Variants in FBXL7 observed in about 807,000 individuals in gnomAD.
FBXL7 encodes F-box and leucine rich repeat protein 7, also known as F-box/LRR-repeat protein 7.
A neutral mutation model predicts 38.3 loss-of-function variants in FBXL7; 12 were observed. That is an observed-to-expected ratio of 0.31 (90% CI 0.20 to 0.51). The LOEUF (loss-of-function observed/expected upper bound fraction) is 0.51, where lower values mean the gene tolerates loss of function less well. Ranked by LOEUF, FBXL7 falls within the 20% of genes least tolerant of loss-of-function variation. The probability of loss-of-function intolerance (pLI) is 0.98; values close to 1 mark genes in which losing one functional copy is unlikely to be tolerated. For synonymous variants in FBXL7, 297 were observed against 300.9 expected, an observed-to-expected ratio of 0.99 and a Z score of 0.13; for missense variants, 567 against 676.4, an observed-to-expected ratio of 0.84 and a Z score of 1.79.
chr5:15,660,826 T>C (rs572919732), intron 2 of FBXL7, among the ~76,000 whole-genome samples: 4 of 152,366 alleles, frequency 2.6e-5, no homozygotes, highest in African/African-American at 7.2e-5. Context: ...AGATGATGTA[T>C]GTTCACTTGA....
chr5:15,710,422 A>G (rs1208244783), intron 2 of FBXL7, among the ~76,000 whole-genome samples: 1 of 152,054 alleles, frequency 6.6e-6, no homozygotes, highest in Non-Finnish European at 1.5e-5. Flanking sequence ...GCTTAATCTC[A>G]TACATTTAGG....
At chr5:15,570,995 G>A (rs1259696124) in intron 1 of FBXL7, among the ~76,000 whole-genome samples, 1 of 151,720 alleles carries the variant, frequency 6.6e-6, no homozygotes, top group Non-Finnish European at 1.5e-5. Context: ...CGGAGGCTGA[G>A]GCAGGAGAAT....
intron 2 of FBXL7, among the ~76,000 whole-genome samples, chr5:15,729,944 G>A (rs374181099): frequency 6.6e-6 from 1 of 152,086 alleles, no homozygotes; most frequent in Admixed American, 6.5e-5. Context: ...CAGATTTCAC[G>A]TTCTTTACTG....
At chr5:15,544,629 C>CT (rs1242437992) in intron 1 of FBXL7, among the ~76,000 whole-genome samples, 1 of 152,038 alleles carries the variant, frequency 6.6e-6, no homozygotes, top group Non-Finnish European at 1.5e-5. Flanking sequence ...AATATATTAA[C>CT]TTTAAGTTTT....
At chr5:15,661,919 T>C (rs1245177278) in intron 2 of FBXL7, among the ~76,000 whole-genome samples, 1 of 152,228 alleles carries the variant, frequency 6.6e-6, no homozygotes, top group Non-Finnish European at 1.5e-5. Context: ...ACGTTTTCTT[T>C]TGCCAGTTTG....
At chr5:15,676,293 G>A (rs911255288) in intron 2 of FBXL7, among the ~76,000 whole-genome samples, 27 of 152,130 alleles carry the variant, frequency 1.8e-4, no homozygotes, top group Admixed American at 1.6e-3. Context: ...AAGTGAACAA[G>A]GGAAGACTGA....
chr5:15,870,014 G>A (rs555856476), intron 2 of FBXL7, among the ~76,000 whole-genome samples: 222 of 152,280 alleles, frequency 1.5e-3, no homozygotes, highest in Non-Finnish European at 1.9e-3. Flanking sequence ...GGAGGCTGAG[G>A]TGGAAGGATC....
At chr5:15,730,046 A>G (rs1294708907) in intron 2 of FBXL7, among the ~76,000 whole-genome samples, 1 of 152,182 alleles carries the variant, frequency 6.6e-6, no homozygotes, top group Non-Finnish European at 1.5e-5. Flanking sequence ...ACTGCAAAAC[A>G]TCTAGACCAC....
At chr5:15,914,185 G>A (rs1287673264) in intron 2 of FBXL7, among the ~76,000 whole-genome samples, 1 of 152,052 alleles carries the variant, frequency 6.6e-6, no homozygotes, top group Non-Finnish European at 1.5e-5. Flanking sequence ...AGGTGATCGA[G>A]ACCATCCTGG....
At chr5:15,724,225 G>C (rs981943367) in intron 2 of FBXL7, among the ~76,000 whole-genome samples, 1 of 152,092 alleles carries the variant, frequency 6.6e-6, no homozygotes, top group Non-Finnish European at 1.5e-5. Flanking sequence ...TCACAAAGGT[G>C]TAATCTTATA....
chr5:15,765,702 A>G (rs1369842558), intron 2 of FBXL7, among the ~76,000 whole-genome samples: 1 of 152,098 alleles, frequency 6.6e-6, no homozygotes, highest in Non-Finnish European at 1.5e-5. Context: ...ACCAACAATA[A>G]TGCCCAGTTG....
At chr5:15,680,515 GC>G (rs1742807789) in intron 2 of FBXL7, among the ~76,000 whole-genome samples, 1 of 152,036 alleles carries the variant, frequency 6.6e-6, no homozygotes, top group African/African-American at 2.4e-5. Context: ...AAATGACTTG[GC>G]CTTTTATCAG....
intron 2 of FBXL7, among the ~76,000 whole-genome samples, chr5:15,689,950 T>C (rs1416840979): frequency 1.3e-5 from 2 of 152,340 alleles, no homozygotes; most frequent in Middle Eastern, 3.4e-3. Flanking sequence ...CTTTGGCTTT[T>C]ACCCTCTACA....
chr5:15,703,279 T>C (rs4593267), intron 2 of FBXL7, among the ~76,000 whole-genome samples: 8,509 of 152,308 alleles, frequency 0.056, 263 homozygotes, highest in East Asian at 0.086. Flanking sequence ...TTTACAATAT[T>C]ATATTTGTAA....
In FBXL7 at chr5:15,715,641, T is replaced by G. The variant is rs763219563; in HGVS notation, c.127+99569T>G. Among the ~76,000 whole-genome samples, 83 of 152,326 alleles carry G rather than the reference T, an allele frequency of 5.4e-4. No homozygotes were observed. In the Middle Eastern group the frequency reaches 0.021, roughly 38 times the overall value. Reference sequence around the variant, plus strand: ...TAGACAATACCTAAATAAATAGGTTTGGCTGTGTTTCAGTAAAATATTATT... The same window carrying G: ...TAGACAATACCTAAATAAATAGGTTGGGCTGTGTTTCAGTAAAATATTATT... On this transcript the variant is annotated intron_variant, in intron 2 of 3. Coordinates refer to ENST00000504595, the MANE Select transcript of FBXL7 (RefSeq NM_012304.5).
chr5:15,713,376 A>T lies in FBXL7; in HGVS notation c.127+97304A>T, dbSNP rs568249891. Among the ~76,000 whole-genome samples, 151 of 152,306 alleles carry T rather than the reference A, an allele frequency of 9.9e-4. 2 individuals are homozygous for T. The South Asian group carries it at 0.03, about 31-fold the overall frequency. On this transcript the variant is annotated intron_variant, in intron 2 of 3. Coordinates refer to ENST00000504595, the MANE Select transcript of FBXL7 (RefSeq NM_012304.5). ...AACATGTGGGAATTATGGGAGCTAC[A>T]ATTCAAGATGAGATTTGGGTGGGGA...
chr5:15,599,038 CTTTCTCTG>C (rs1430764905), intron 1 of FBXL7, among the ~76,000 whole-genome samples: 2 of 152,166 alleles, frequency 1.3e-5, no homozygotes, highest in Non-Finnish European at 2.9e-5. Flanking sequence ...GCCATTTATA[CTTTCTCTG>C]TTTCTCTGTG....
intron 2 of FBXL7, among the ~76,000 whole-genome samples, chr5:15,771,770 ATTTTTTT>A (rs35138853): frequency 2.6e-5 from 3 of 113,292 alleles, no homozygotes; most frequent in Non-Finnish European, 5.5e-5. Flanking sequence ...GGATTAACAG[ATTTTTTT>A]TTTTTTTTTT....
chr5:15,893,047 CAGAGCTTGCAGTGAGCGG>C (rs1303663663), intron 2 of FBXL7, among the ~76,000 whole-genome samples: 3 of 149,600 alleles, frequency 2.0e-5, no homozygotes, highest in Non-Finnish European at 4.4e-5. Flanking sequence ...ACCTGGGAGG[CAGAGCTTGCAGTGAGCGG>C]AGATCACGCC....
Sources: allele counts gnomAD v4.1 joint callset (sites outside exome capture counted in the v4.1 genomes callset), GRCh38; gene constraint gnomAD v4.1.1; transcripts MANE v1.5; gene names NCBI Gene and HGNC (gene_info 2026-07-23, HGNC 2026-07-21).